Variants in RARB observed in about 807,000 individuals in gnomAD.
RARB encodes retinoic acid receptor beta, also known as HBV-activated protein.
A neutral mutation model predicts 51.9 loss-of-function variants in RARB; 17 were observed. The observed-to-expected ratio is 0.33, with a 90% CI of 0.22 to 0.49. The LOEUF (loss-of-function observed/expected upper bound fraction) is 0.49, where lower values mean the gene tolerates loss of function less well. Ranked by LOEUF, RARB falls within the 20% of genes least tolerant of loss-of-function variation. The pLI, the probability that RARB is intolerant of heterozygous loss-of-function variation, is 0.99. For synonymous variants in RARB, 215 were observed against 195.4 expected (o/e 1.10, Z -0.84); for missense variants, 369 against 550.8 (o/e 0.67, Z 3.30).
chr3:25,025,799 A>G (rs1361864688), intron 2 of RARB, among the ~76,000 whole-genome samples: 2 of 152,300 alleles, frequency 1.3e-5, no homozygotes, highest in African/African-American at 4.8e-5. Context: ...GAAACAAAGA[A>G]TATTTGTCTA....
intron 2 of RARB, among the ~76,000 whole-genome samples, chr3:25,463,705 C>CG (rs1695300302): frequency 6.6e-6 from 1 of 151,902 alleles, no homozygotes; most frequent in African/African-American, 2.4e-5. Context: ...TGTCACTCAG[C>CG]CCCTCAAAGT....
intron 2 of RARB, among the ~76,000 whole-genome samples, chr3:25,481,041 G>C (rs1166016272): frequency 6.6e-6 from 1 of 152,148 alleles, no homozygotes; most frequent in Non-Finnish European, 1.5e-5. Context: ...CAGGAATGTG[G>C]AACTAGCACT....
intron 2 of RARB, among the ~76,000 whole-genome samples, chr3:24,971,551 A>G (rs954399793): frequency 6.6e-6 from 1 of 151,986 alleles, no homozygotes; most frequent in African/African-American, 2.4e-5. Flanking sequence ...TTTAAAGCTT[A>G]CTCTTTAAAT....
At chr3:25,565,803 A>T (rs995668525) in intron 3 of RARB, among the ~76,000 whole-genome samples, 1 of 151,992 alleles carries the variant, frequency 6.6e-6, no homozygotes, top group African/African-American at 2.4e-5. Flanking sequence ...AGGCCTTTAC[A>T]GTAGTCTACC....
At chr3:25,446,484 C>T (rs1708936443) in intron 1 of RARB, among the ~76,000 whole-genome samples, 1 of 152,170 alleles carries the variant, frequency 6.6e-6, no homozygotes, top group Non-Finnish European at 1.5e-5. Flanking sequence ...TGACCATTTA[C>T]AAAATTTGCA....
chr3:25,364,628 G>A (rs953633530), intron 5 of RARB, among the ~76,000 whole-genome samples: 1 of 152,214 alleles, frequency 6.6e-6, no homozygotes, highest in Non-Finnish European at 1.5e-5. Flanking sequence ...AAGTAAGAGA[G>A]CAATGGAAGA....
chr3:25,372,306 A>T (rs1395102368), intron 5 of RARB, among the ~76,000 whole-genome samples: 1 of 152,166 alleles, frequency 6.6e-6, no homozygotes, highest in East Asian at 1.9e-4. Context: ...GATTCTACCC[A>T]CTAGATGCCA....
At chr3:25,593,863 C>T (rs1701710895) in intron 6 of RARB, among the ~76,000 whole-genome samples, 156 bp downstream of exon 6, 1 of 152,052 alleles carries the variant, frequency 6.6e-6, no homozygotes. Flanking sequence ...TGTATTTTTC[C>T]ATGTTGTTAC....
intron 2 of RARB, among the ~76,000 whole-genome samples, chr3:25,493,057 G>C (rs1366681649): frequency 6.6e-6 from 1 of 151,658 alleles, no homozygotes; most frequent in Non-Finnish European, 1.5e-5. Context: ...TTCTTGTTTG[G>C]AGTATGGATT....
intron 2 of RARB, among the ~76,000 whole-genome samples, chr3:25,052,803 G>A (rs9811936): frequency 0.7 from 106,187 of 151,796 alleles, 37,508 homozygotes; most frequent in Non-Finnish European, 0.73. Flanking sequence ...CTAGAAATAC[G>A]TATGTGACTT....
At chr3:24,951,543 A>G (rs979434464) in intron 2 of RARB, among the ~76,000 whole-genome samples, 1 of 152,146 alleles carries the variant, frequency 6.6e-6, no homozygotes, top group Non-Finnish European at 1.5e-5. Context: ...CCTAGTGACA[A>G]AGTTTTGGGT....
upstream of RARB, among the ~76,000 whole-genome samples, chr3:25,427,470 T>A (rs1708026595): frequency 6.6e-6 from 1 of 152,210 alleles, no homozygotes; most frequent in African/African-American, 2.4e-5. Context: ...CTAGTTCAGT[T>A]TGATTCCCCA....
intron 2 of RARB, among the ~76,000 whole-genome samples, chr3:24,894,862 TG>T (rs1559386079): frequency 6.6e-6 from 1 of 152,150 alleles, no homozygotes; most frequent in East Asian, 1.9e-4. Flanking sequence ...CAAAATAATG[TG>T]GTAGAAGCTA....
chr3:25,273,983 G>T (rs1272125538), intron 5 of RARB, among the ~76,000 whole-genome samples: 1 of 152,100 alleles, frequency 6.6e-6, no homozygotes, highest in Non-Finnish European at 1.5e-5. Context: ...ATTGCTGCAT[G>T]CGGCAGCCTG....
chr3:25,127,940 T>C (rs553424134), intron 3 of RARB, among the ~76,000 whole-genome samples: 2 of 152,222 alleles, frequency 1.3e-5, no homozygotes, highest in African/African-American at 4.8e-5. Context: ...TTTGGGTACA[T>C]GTACATAAGG....
intron 5 of RARB, among the ~76,000 whole-genome samples, chr3:25,346,966 G>A (rs1172628484): frequency 1.3e-5 from 2 of 152,218 alleles, no homozygotes; most frequent in South Asian, 2.1e-4. Context: ...AGTCTTCCAT[G>A]TAGGTATACA....
intron 5 of RARB, among the ~76,000 whole-genome samples, chr3:25,196,123 A>G (rs984422986): frequency 8.6e-5 from 13 of 152,014 alleles, no homozygotes; most frequent in African/African-American, 3.1e-4. Context: ...CACAAAGTAC[A>G]GGTTTATTAT....
intron 2 of RARB, among the ~76,000 whole-genome samples, chr3:24,976,259 A>G (rs1163824325): frequency 6.6e-6 from 1 of 152,158 alleles, no homozygotes; most frequent in African/African-American, 2.4e-5. Flanking sequence ...TAGTAGCAGG[A>G]TTTATAATTC....
chr3:25,013,372 G>A (rs1697438486), intron 2 of RARB, among the ~76,000 whole-genome samples: 1 of 152,066 alleles, frequency 6.6e-6, no homozygotes, highest in African/African-American at 2.4e-5. Context: ...CCATCACATA[G>A]ATACCTAGAA....
Sources: allele counts gnomAD v4.1 joint callset (sites outside exome capture counted in the v4.1 genomes callset), GRCh38; gene constraint gnomAD v4.1.1; transcripts MANE v1.5; gene names NCBI Gene and HGNC (gene_info 2026-07-23, HGNC 2026-07-21).